The following TUBB8 variants were observed in gnomAD, a reference collection of about 807,000 sequenced individuals.
TUBB8 encodes tubulin beta-8 chain.
In TUBB8, 25 loss-of-function variants were observed where a neutral mutation model predicts 33.7. That is an observed-to-expected ratio of 0.74 (90% confidence interval 0.54 to 1.04). TUBB8 has a LOEUF of 1.04. TUBB8 is among the 50% of genes least tolerant of loss of function. The pLI is 0.00. For synonymous variants in TUBB8, 245 were observed against 240.1 expected (o/e 1.02, Z -0.19); for missense variants, 279 against 608.0 (o/e 0.46, Z 5.69).
Position 47,502 on chromosome 10 carries a change from T to C in TUBB8, c.890A>G (p.Lys297Arg), listed in dbSNP as rs1554738162. Residue 297 changes from lysine (K) to arginine (R), a missense_variant, in exon 4 of 4, where the codon AAG becomes AGG. Coordinates refer to ENST00000568584, the MANE Select transcript of TUBB8 (RefSeq NM_177987.3). Reference protein sequence around the residue: ...AELTQQMFDAKNMMAACDPRH... With the variant: ...AELTQQMFDARNMMAACDPRH... ...GGGGTCACAGGCAGCCATCATGTTCTTAGCATCAAACATCTGCTGGGTAAG... is the reference window on the plus strand; with the variant it reads ...GGGGTCACAGGCAGCCATCATGTTCCTAGCATCAAACATCTGCTGGGTAAG... 3.7e-6 allele frequency: 6 copies of C among 1,612,322 alleles called. No individual in the cohort carries two copies. The African/African-American group carries it at 5.3e-5, about 14-fold the overall frequency.
intron 1 of TUBB8, among the ~76,000 whole-genome samples, chr10:73,004 T>C (rs1834758498): frequency 3.3e-5 from 5 of 152,216 alleles, no homozygotes; most frequent in African/African-American, 1.2e-4. Context: ...AGTGACTTTC[T>C]TCAATTAATT....
At chr10:56,574 A>G (rs1834533497) in intron 1 of TUBB8, among the ~76,000 whole-genome samples, 1 of 152,258 alleles carries the variant, frequency 6.6e-6, no homozygotes, top group Non-Finnish European at 1.5e-5. Context: ...GGTAAGTGCA[A>G]GGGCAGGGGG....
At chr10:51,064 T>C (rs1165599831), upstream of TUBB8, among the ~76,000 whole-genome samples, 2 of 152,224 alleles carry the variant, frequency 1.3e-5, no homozygotes, top group Non-Finnish European at 2.9e-5. Flanking sequence ...GGGAGGTAAT[T>C]GAATCAGGGG....
intron 1 of TUBB8, among the ~76,000 whole-genome samples, chr10:70,310 T>C (rs1214327762): frequency 6.6e-6 from 1 of 152,080 alleles, no homozygotes. Flanking sequence ...TACTTTAAGT[T>C]TTAGGGTACA....
At chr10:50,904 G>A (rs574137975), upstream of TUBB8, among the ~76,000 whole-genome samples, 33 of 152,124 alleles carry the variant, frequency 2.2e-4, no homozygotes, top group Non-Finnish European at 4.3e-4. Flanking sequence ...ACTCTTCCTT[G>A]GGATGGTCCA....
At chr10:63,998 A>G (rs1588279035) in intron 1 of TUBB8, among the ~76,000 whole-genome samples, 1 of 152,190 alleles carries the variant, frequency 6.6e-6, no homozygotes, top group South Asian at 2.1e-4. Context: ...GCAAACACGT[A>G]AAGGTACTGC....
In TUBB8 at chr10:47,028, T is replaced by C; in HGVS notation, c.*29A>G. ...GAACACAGTAAAGAATCCACACTGC[T>C]TCCCCCCTTTACCTAGAAAAGGAGA... On this transcript the variant is annotated 3_prime_UTR_variant, in exon 4 of 4. Coordinates refer to ENST00000568584, the MANE Select transcript of TUBB8 (RefSeq NM_177987.3). 2.7e-6 allele frequency: 2 copies of C among 730,440 alleles called. No individual in the cohort carries two copies. The highest frequency in any genetic ancestry group is 4.6e-6 in the Non-Finnish European group (2 of 430,812). The allele number at this position is 730,440 out of a possible 1,614,324, so 45.2% of individuals were successfully genotyped here.
At chr10:73,304 T>C (rs1834761936) in intron 1 of TUBB8, among the ~76,000 whole-genome samples, 3 of 152,226 alleles carry the variant, frequency 2.0e-5, no homozygotes. Flanking sequence ...TACTTTTCCA[T>C]TTTCCTGTGT....
chr10:47,008 C>T lies in TUBB8; in HGVS notation c.*49G>A. 1 of 658,104 alleles carries T rather than the reference C, an allele frequency of 1.5e-6. No individual in the cohort carries two copies. The highest frequency in any genetic ancestry group is 1.9e-5 in the African/African-American group (1 of 52,964). The allele number at this position is 658,104 out of a possible 1,614,324, so 40.8% of individuals were successfully genotyped here. On this transcript the variant is annotated 3_prime_UTR_variant, in exon 4 of 4. Transcript: ENST00000568584. ...ATAGTGACACATGGCTGTCAGAACA[C>T]AGTAAAGAATCCACACTGCTTCCCC...
chr10:50,779 G>A (rs1214880764), upstream of TUBB8, among the ~76,000 whole-genome samples: 1 of 117,972 alleles, frequency 8.5e-6, no homozygotes, highest in African/African-American at 3.9e-5. Flanking sequence ...AGCTTTTTGA[G>A]CTGCTGAGGT....
rs1312973072 is a variant in TUBB8, at chr10:49,291, C to G, written c.-53G>C. On this transcript the variant is annotated 5_prime_UTR_variant, in exon 1 of 4. Coordinates refer to ENST00000568584, the MANE Select transcript of TUBB8 (RefSeq NM_177987.3). ...GAAACGTGAGAAGGAGGAGCAGACG[C>G]GCAGCGACCCAGCCCGCCCTCCGCC... 2 of 1,535,926 alleles carry G rather than the reference C, an allele frequency of 1.3e-6. No homozygotes were observed. The highest frequency in any genetic ancestry group is 1.4e-5 in the African/African-American group (1 of 72,842).
chr10:46,758 C>T (rs1834333121), downstream of TUBB8: 3 of 398,962 alleles, frequency 7.5e-6, no homozygotes, highest in Admixed American at 1.2e-4. Flanking sequence ...CATACCGACC[C>T]CTCCTGGAGC....
At chr10:54,304 T>A (rs1834503873) in intron 1 of TUBB8, among the ~76,000 whole-genome samples, 1 of 151,148 alleles carries the variant, frequency 6.6e-6, no homozygotes, top group Admixed American at 6.6e-5. Flanking sequence ...TGTCTTTCTG[T>A]GCCTGACTTA....
chr10:74,816 A>T (rs11253286), upstream of TUBB8, among the ~76,000 whole-genome samples: 17,124 of 149,932 alleles, frequency 0.11, 1,406 homozygotes, highest in African/African-American at 0.32. Context: ...ACTTGAGCCC[A>T]GGAGTTCAAG....
chr10:50,433 T>C (rs868911092), upstream of TUBB8, among the ~76,000 whole-genome samples: 1 of 152,164 alleles, frequency 6.6e-6, no homozygotes, highest in Non-Finnish European at 1.5e-5. Context: ...CCCAGTTCTA[T>C]GTATGCTGAC....
intron 1 of TUBB8, among the ~76,000 whole-genome samples, chr10:72,254 T>TAAAA (rs34999592): frequency 0.1 from 11,461 of 113,746 alleles, no homozygotes; most frequent in African/African-American, 0.16. Flanking sequence ...TTTTTTTAAT[T>TAAAA]AAAAAAAAAA....
upstream of TUBB8, among the ~76,000 whole-genome samples, chr10:52,571 A>T (rs1174029972): frequency 7.2e-5 from 11 of 152,256 alleles, no homozygotes; most frequent in Non-Finnish European, 1.6e-4. Flanking sequence ...TTAAACTTGG[A>T]AGGTGCAGAT....
In TUBB8 at chr10:48,736, C is replaced by T. The variant is rs781862936; in HGVS notation, c.167-11G>A. ...GCACGTACCTGCCACCTGCGTGGGGCGGGAGGGCATGAGCGAGGGGAGGGC... is the reference window on the plus strand; with the variant it reads ...GCACGTACCTGCCACCTGCGTGGGGTGGGAGGGCATGAGCGAGGGGAGGGC... On this transcript the variant is annotated splice_polypyrimidine_tract_variant and intron_variant, in intron 2 of 3. Coordinates refer to ENST00000568584, the MANE Select transcript of TUBB8 (RefSeq NM_177987.3). The T allele has an allele frequency of 2.5e-6, 4 of 1,602,942 alleles. No individual in the cohort carries two copies. Among genetic ancestry groups the T allele is most frequent in the Non-Finnish European group, 3.4e-6 (4 of 1,172,288 alleles).
intron 1 of TUBB8, among the ~76,000 whole-genome samples, chr10:73,189 C>A (rs1834760484): frequency 6.6e-6 from 1 of 152,214 alleles, no homozygotes; most frequent in Admixed American, 6.5e-5. Flanking sequence ...TAGACGCACA[C>A]AATGGTGTTT....
Sources: allele counts gnomAD v4.1 joint callset (sites outside exome capture counted in the v4.1 genomes callset), GRCh38; gene constraint gnomAD v4.1.1; transcripts MANE v1.5; gene names NCBI Gene and HGNC (gene_info 2026-07-23, HGNC 2026-07-21).